Variants in TSPAN11 observed in about 807,000 individuals in gnomAD.
The protein encoded by TSPAN11 is tetraspanin 11.
In TSPAN11, 29 loss-of-function variants were observed where a neutral mutation model predicts 32.9. The observed-to-expected ratio is 0.88, with a 90% CI of 0.66 to 1.20. The LOEUF (loss-of-function observed/expected upper bound fraction) is 1.20. Ranked by LOEUF, TSPAN11 falls within the 50% of genes most tolerant of loss-of-function variation. The pLI, the probability that TSPAN11 is intolerant of heterozygous loss-of-function variation, is 0.00. For synonymous variants in TSPAN11, 140 were observed against 141.3 expected, an observed-to-expected ratio of 0.99 and a Z score of 0.07; for missense variants, 283 against 329.1, an observed-to-expected ratio of 0.86 and a Z score of 1.08.
chr12:30,928,815 T>C (rs548818556), intron 1 of TSPAN11, among the ~76,000 whole-genome samples: 1 of 152,308 alleles, frequency 6.6e-6, no homozygotes, highest in South Asian at 2.1e-4. Context: ...CTCCCAGCCA[T>C]GATCACATCA....
intron 2 of TSPAN11, among the ~76,000 whole-genome samples, chr12:30,957,229 C>CA (rs1491485613): frequency 4.6e-5 from 1 of 21,584 alleles, no homozygotes; most frequent in Non-Finnish European, 9.0e-5. Context: ...TGGCCTGGGA[C>CA]CCCCCCCCCC....
At chr12:30,953,465 G>C (rs970635231) in intron 1 of TSPAN11, among the ~76,000 whole-genome samples, 2 of 152,102 alleles carry the variant, frequency 1.3e-5, no homozygotes, top group Non-Finnish European at 1.5e-5. Flanking sequence ...CATCTGAAAA[G>C]TCAAGCTGCA....
intron 7 of TSPAN11, among the ~76,000 whole-genome samples, chr12:30,989,248 A>T (rs1939263511): frequency 6.6e-6 from 1 of 152,226 alleles, no homozygotes; most frequent in South Asian, 2.1e-4. Flanking sequence ...AGCAAACATC[A>T]GTGGCCCTAA....
chr12:30,943,052 A>C (rs1162061295), intron 1 of TSPAN11, among the ~76,000 whole-genome samples: 1 of 152,170 alleles, frequency 6.6e-6, no homozygotes, highest in Non-Finnish European at 1.5e-5. Flanking sequence ...AGAAGGTGTG[A>C]TTCCCTCCAG....
At chr12:31,004,522 G>T in the TSPAN11 span, among the ~76,000 whole-genome samples, 11 of 152,308 alleles carry the variant, frequency 7.2e-5, no homozygotes, top group East Asian at 1.9e-3. Context: ...GAAGCTGGCA[G>T]GAACAATCAG....
At chr12:30,959,194 G>A (rs1043371299) in intron 2 of TSPAN11, among the ~76,000 whole-genome samples, 2 of 152,232 alleles carry the variant, frequency 1.3e-5, no homozygotes, top group South Asian at 2.1e-4. Flanking sequence ...GCTGGGCCGC[G>A]TTCTGAGGGG....
chr12:30,948,413 C>T (rs1938313203), intron 1 of TSPAN11, among the ~76,000 whole-genome samples: 1 of 152,238 alleles, frequency 6.6e-6, no homozygotes, highest in South Asian at 2.1e-4. Context: ...AAACTTTTGC[C>T]TGGGCATCCA....
chr12:30,979,512 G>A, intron 4 of TSPAN11, 54 bp from the exon 5 acceptor site: 1 of 1,560,756 alleles, frequency 6.4e-7, no homozygotes, highest in Non-Finnish European at 8.8e-7. Context: ...CCCGGTGCCA[G>A]GGCAGGGGTG....
chr12:30,979,087 T>C (rs1349272109), intron 4 of TSPAN11, among the ~76,000 whole-genome samples: 1 of 152,182 alleles, frequency 6.6e-6, no homozygotes, highest in African/African-American at 2.4e-5. Context: ...AATCGGGGAT[T>C]CGAGGTCATG....
At chr12:30,931,417 C>G (rs1217760783) in intron 1 of TSPAN11, among the ~76,000 whole-genome samples, 1 of 152,124 alleles carries the variant, frequency 6.6e-6, no homozygotes, top group Non-Finnish European at 1.5e-5. Flanking sequence ...AACATTTAAT[C>G]ACATAGCTGG....
At position 30,930,193 on chromosome 12, in the gene TSPAN11, A is replaced by G. The variant is rs1478633002; in HGVS notation, c.-12+3397A>G. Among the ~76,000 whole-genome samples, 4 of 152,164 alleles carry G rather than the reference A, an allele frequency of 2.6e-5. No homozygotes were observed. The East Asian group carries it at 7.7e-4, about 29-fold the overall frequency. Reference sequence around the variant, plus strand: ...CTCCACAGGGTAGAGGGAGTTGGGAAGGGGGCAGCAAATATACACTGTACA... The same window carrying G: ...CTCCACAGGGTAGAGGGAGTTGGGAGGGGGGCAGCAAATATACACTGTACA... On this transcript the variant is annotated intron_variant, in intron 1 of 7. Transcript: ENST00000546076.
chr12:30,970,134 C>A (rs181110406), intron 3 of TSPAN11, among the ~76,000 whole-genome samples: 1 of 152,332 alleles, frequency 6.6e-6, no homozygotes, highest in East Asian at 1.9e-4. Context: ...AATTCCAGGG[C>A]ACTGGGAGGA....
In TSPAN11 at chr12:30,992,195, G is replaced by C. The variant is rs530668475; in HGVS notation, c.*280G>C. ...ACAACCAGAGCCCCTCACCAGGAAC[G>C]GGGGCACCCGTGGACTACGGGAGGG... is the stretch of plus-strand genomic sequence containing the variant. On this transcript the variant is annotated 3_prime_UTR_variant, in exon 8 of 8. Transcript: ENST00000546076. 3 of 525,606 alleles carry C rather than the reference G, an allele frequency of 5.7e-6. No homozygotes were observed. The East Asian group carries it at 9.6e-5, about 17-fold the overall frequency. The allele number at this position is 525,606 out of a possible 1,614,324, so 32.6% of individuals were successfully genotyped here.
intron 1 of TSPAN11, among the ~76,000 whole-genome samples, chr12:30,933,070 G>C (rs550272116): frequency 9.9e-5 from 15 of 152,262 alleles, no homozygotes; most frequent in African/African-American, 3.4e-4. Context: ...ACTGACCCCT[G>C]CCAGAGCCGC....
At chr12:30,966,148 C>T (rs926109167) in intron 3 of TSPAN11, among the ~76,000 whole-genome samples, 3 of 151,920 alleles carry the variant, frequency 2.0e-5, no homozygotes, top group African/African-American at 7.3e-5. Context: ...GGGGGTCACA[C>T]GGGCGGAGAG....
At chr12:30,945,435 T>C (rs1002397417) in intron 1 of TSPAN11, among the ~76,000 whole-genome samples, 2 of 151,806 alleles carry the variant, frequency 1.3e-5, no homozygotes, top group African/African-American at 4.8e-5. Context: ...GGCCTGAAAA[T>C]GCCTTGTATT....
chr12:30,961,480 C>A (rs1376888161), intron 2 of TSPAN11, among the ~76,000 whole-genome samples: 1 of 151,948 alleles, frequency 6.6e-6, no homozygotes, highest in African/African-American at 2.4e-5. Context: ...TTCTGCCCTC[C>A]CGTGACCCCC....
the TSPAN11 span, among the ~76,000 whole-genome samples, chr12:31,014,637 A>G: frequency 3.8e-3 from 580 of 152,356 alleles, 4 homozygotes; most frequent in Middle Eastern, 0.037. Flanking sequence ...AAGATACCTC[A>G]TCATGATACT....
chr12:30,942,529 G>C (rs1292398536), intron 1 of TSPAN11, among the ~76,000 whole-genome samples: 1 of 152,044 alleles, frequency 6.6e-6, no homozygotes, highest in African/African-American at 2.4e-5. Context: ...AAGAAAAAAT[G>C]ATCTAGGAAA....
Sources: gnomAD v4.1 joint callset for allele counts (sites outside exome capture counted in the v4.1 genomes callset) on GRCh38, gnomAD v4.1.1 for gene constraint, MANE v1.5 for transcripts, NCBI Gene and HGNC (gene_info 2026-07-23, HGNC 2026-07-21) for gene names.